The following OTULINL variants were observed in gnomAD, a reference collection of about 807,000 sequenced individuals.
OTULINL encodes OTU deubiquitinase with linear linkage specificity like.
Under a neutral mutation model 43.9 loss-of-function variants are expected in OTULINL, and 42 were observed. The ratio of observed to expected loss-of-function variants is 0.96; its 90% confidence interval spans 0.75 to 1.24. The LOEUF is 1.24. Ranked by LOEUF, OTULINL falls within the 50% of genes most tolerant of loss-of-function variation. The pLI is 0.00. For missense variants in OTULINL, 411 were observed against 426.4 expected (o/e 0.96, Z 0.32); for synonymous variants, 172 against 153.6 (o/e 1.12, Z -0.88).
At chr5:14,592,435 CA>C in intron 1 of OTULINL, among the ~76,000 whole-genome samples, 1 of 152,260 alleles carries the variant, frequency 6.6e-6, no homozygotes, top group African/African-American at 2.4e-5. Context: ...CCTGGGTGTT[CA>C]AGTTCAGACT....
At chr5:14,602,134 T>C in intron 4 of OTULINL, 49 bp from the exon 5 acceptor site, 1 of 1,450,174 alleles carries the variant, frequency 6.9e-7, no homozygotes, top group Non-Finnish European at 9.2e-7. Flanking sequence ...TCACTTTATT[T>C]TCTTGTCCAG....
intron 6 of OTULINL, 122 bp downstream of exon 6, chr5:14,607,580 A>G: frequency 1.6e-5 from 19 of 1,200,888 alleles, no homozygotes; most frequent in Non-Finnish European, 2.2e-5. Flanking sequence ...GCAAGCAGAA[A>G]TGCTTCTAGT....
Position 14,613,565 on chromosome 5 carries a change from A to G in OTULINL, c.*3251A>G, listed in dbSNP as rs1206426182. Reference sequence around the variant, plus strand: ...AAATGGATCAGGAAAATCGTGTTTTATCTCCAAAGTAAAATGATAACTATG... The same window carrying G: ...AAATGGATCAGGAAAATCGTGTTTTGTCTCCAAAGTAAAATGATAACTATG... On this transcript the variant is annotated 3_prime_UTR_variant, in exon 8 of 8. Transcript: ENST00000274217. 2.6e-5 allele frequency among the ~76,000 whole-genome samples: 4 copies of G among 152,218 alleles called. No homozygotes were observed. Among genetic ancestry groups the G allele is most frequent in the African/African-American group, 9.6e-5 (4 of 41,460 alleles).
chr5:14,609,100 T>C, intron 7 of OTULINL, 83 bp downstream of exon 7: 1 of 1,426,440 alleles, frequency 7.0e-7, no homozygotes. Context: ...GGGTGACTTT[T>C]CAGTGGTGAC....
chr5:14,586,166 C>T (rs546442600), intron 1 of OTULINL, among the ~76,000 whole-genome samples: 11 of 152,308 alleles, frequency 7.2e-5, no homozygotes, highest in South Asian at 2.1e-4. Flanking sequence ...ACATGTTCAG[C>T]TACTTGGTAA....
chr5:14,604,366 A>G (rs1228352977), intron 5 of OTULINL, among the ~76,000 whole-genome samples: 2 of 152,090 alleles, frequency 1.3e-5, no homozygotes, highest in Non-Finnish European at 2.9e-5. Context: ...AATCAAGATG[A>G]TATTTGGGTG....
chr5:14,585,608 G>C (rs1423321804), intron 1 of OTULINL, among the ~76,000 whole-genome samples: 3 of 152,148 alleles, frequency 2.0e-5, no homozygotes, highest in Non-Finnish European at 4.4e-5. Context: ...GTAGCACCCA[G>C]TGCTTGTCCC....
chr5:14,589,500 G>A (rs1759162239), intron 1 of OTULINL, among the ~76,000 whole-genome samples: 1 of 152,174 alleles, frequency 6.6e-6, no homozygotes, highest in African/African-American at 2.4e-5. Flanking sequence ...GGGGGACTGG[G>A]CGTGGGTGAC....
intron 1 of OTULINL, among the ~76,000 whole-genome samples, chr5:14,586,963 C>T (rs1380160491): frequency 6.6e-6 from 1 of 151,882 alleles, no homozygotes; most frequent in African/African-American, 2.4e-5. Flanking sequence ...GGGACAGCCT[C>T]GGTGGGTACA....
chr5:14,611,873 T>G lies in OTULINL; in HGVS notation c.*1559T>G, dbSNP rs1759589277. ...TCATTTTCCCAGATGTTCATATTAT[T>G]TCTGCAATAAATTAAAAGGGAGTGT... is the stretch of plus-strand genomic sequence containing the variant. On this transcript the variant is annotated 3_prime_UTR_variant, in exon 8 of 8. Coordinates refer to ENST00000274217, the MANE Select transcript of OTULINL (RefSeq NM_019018.3). 1 of 152,342 alleles carries G rather than the reference T, an allele frequency of 6.6e-6. No homozygotes were observed. The highest frequency in any genetic ancestry group is 1.9e-4 in the East Asian group (1 of 5,184). The allele number at this position is 152,342 out of a possible 1,614,324, so 9.4% of individuals were successfully genotyped here. A position where few individuals can be genotyped will look rare whatever the true frequency, so the allele number is the denominator to read the frequency against.
chr5:14,594,664 A>T (rs1233123410), intron 1 of OTULINL, among the ~76,000 whole-genome samples: 1 of 152,226 alleles, frequency 6.6e-6, no homozygotes, highest in Non-Finnish European at 1.5e-5. Flanking sequence ...AGCCCTTCCC[A>T]GCCCGTCCCT....
At chr5:14,597,705 C>T (rs988180691) in intron 1 of OTULINL, among the ~76,000 whole-genome samples, 1 of 152,142 alleles carries the variant, frequency 6.6e-6, no homozygotes, top group Non-Finnish European at 1.5e-5. Context: ...CGGCCATGGC[C>T]TGCTTCCATG....
Position 14,600,953 on chromosome 5 carries a change from T to A in OTULINL, c.65-12T>A, listed in dbSNP as rs1283015493. 1.1e-4 allele frequency: 128 copies of A among 1,207,060 alleles called. No individual in the cohort carries two copies. The highest frequency in any genetic ancestry group is 2.4e-4 in the Middle Eastern group (1 of 4,108). 74.8% of individuals were successfully genotyped at this position (1,207,060 alleles called of 1,614,324 possible). On this transcript the variant is annotated splice_polypyrimidine_tract_variant and intron_variant, in intron 1 of 7. Coordinates refer to ENST00000274217, the MANE Select transcript of OTULINL (RefSeq NM_019018.3). The stretch of plus-strand genomic sequence containing the variant: ...TGTGCTTTTTTTTTTTTTTTTTTTG[T>A]AATTTTCATAGGAAGTGACCAAGTT...
intron 1 of OTULINL, among the ~76,000 whole-genome samples, chr5:14,594,990 C>T (rs1759262194): frequency 6.6e-6 from 1 of 152,142 alleles, no homozygotes; most frequent in Non-Finnish European, 1.5e-5. Flanking sequence ...GACATTGAAG[C>T]AGATAGAAAT....
chr5:14,614,666 C>T lies in OTULINL; in HGVS notation c.*4352C>T, dbSNP rs1169754273. ...GCTCTGTAGAACAGCCCGAAGTGTA[C>T]ACCATGTCTCTGCACTTGAAGCTCA... On this transcript the variant is annotated 3_prime_UTR_variant, in exon 8 of 8. Transcript: ENST00000274217. 2 of 398,524 alleles carry T rather than the reference C, an allele frequency of 5.0e-6. No homozygotes were observed. The highest frequency in any genetic ancestry group is 2.1e-5 in the African/African-American group (1 of 48,634). The allele number at this position is 398,524 out of a possible 1,614,324, so 24.7% of individuals were successfully genotyped here.
At position 14,608,780 on chromosome 5, in the gene OTULINL, CAA is replaced by C; in HGVS notation, c.661_662del (p.Lys221GlufsTer17). 6.2e-7 allele frequency: 1 copy of C among 1,611,388 alleles called. No homozygotes were observed. The highest frequency in any genetic ancestry group is 8.5e-7 in the Non-Finnish European group (1 of 1,177,932). On this transcript the variant is annotated frameshift_variant, in exon 7 of 8. Transcript: ENST00000274217. LOFTEE classifies it high-confidence loss of function. ...AATTTAATGGCATTAGAGATTATCA[CAA>C]GAGAGGAAGTATGTGCAACACCCTT... Reference protein sequence around the residue: ...TEFNGIRDYHKRGSMCNTLFS... With the variant: ...TEFNGIRDYHXRGSMCNTLFS...
At position 14,590,864 on chromosome 5, in the gene OTULINL, A is replaced by AT. The variant is rs142063489; in HGVS notation, c.64+8907dup. ...CCAGCTGACATCAGGGGCTAGCAGG[A>AT]TGTGGGTCTTTCCTACAAATGAGAA... On this transcript the variant is annotated intron_variant, in intron 1 of 7. Coordinates refer to ENST00000274217, the MANE Select transcript of OTULINL (RefSeq NM_019018.3). 3.0e-3 allele frequency among the ~76,000 whole-genome samples: 454 copies of AT among 152,270 alleles called. 4 individuals are homozygous for AT. Among genetic ancestry groups the AT allele is most frequent in the African/African-American group, 0.011 (441 of 41,544 alleles).
At chr5:14,590,317 C>G (rs1176687571) in intron 1 of OTULINL, among the ~76,000 whole-genome samples, 1 of 152,150 alleles carries the variant, frequency 6.6e-6, no homozygotes, top group African/African-American at 2.4e-5. Context: ...CCTAATAAAT[C>G]TGAAAATCCA....
At chr5:14,596,266 A>G (rs1415101277) in intron 1 of OTULINL, among the ~76,000 whole-genome samples, 1 of 152,138 alleles carries the variant, frequency 6.6e-6, no homozygotes, top group Non-Finnish European at 1.5e-5. Flanking sequence ...CTGAGTCCCA[A>G]TCACCAAGCC....
Sources: allele counts gnomAD v4.1 joint callset (sites outside exome capture counted in the v4.1 genomes callset), GRCh38; gene constraint gnomAD v4.1.1; transcripts MANE v1.5; gene names NCBI Gene and HGNC (gene_info 2026-07-23, HGNC 2026-07-21).